The following TM9SF4 variants were observed in gnomAD, a reference collection of about 807,000 sequenced individuals.
The protein encoded by TM9SF4 is transmembrane 9 superfamily member 4.
In TM9SF4, 26 loss-of-function variants were observed where a neutral mutation model predicts 90.4. That is an observed-to-expected ratio of 0.29 (90% CI 0.21 to 0.40). The LOEUF (loss-of-function observed/expected upper bound fraction) is 0.40, where lower values mean the gene tolerates loss of function less well. TM9SF4 is among the 10% of genes least tolerant of loss of function. The pLI is 1.00. For synonymous variants in TM9SF4, 293 were observed against 315.4 expected (o/e 0.93, Z 0.75); for missense variants, 549 against 834.8 (o/e 0.66, Z 4.22).
chr20:32,165,195 G>T (rs1050047006), intron 17 of TM9SF4, 100 bp from the exon 18 acceptor site: 24 of 1,526,320 alleles, frequency 1.6e-5, no homozygotes, highest in Non-Finnish European at 2.1e-5. Flanking sequence ...CCCTGGCCAG[G>T]CCTCAGTTTC....
rs1370504574 is a variant in TM9SF4 at position 32,157,786 on chromosome 20, G to A, written c.1330-8G>A. ...CCTCGTGGGGGCCTCATGGTGCCAT[G>A]TCTACAGGTGCCCTTTCCCACCATG... On this transcript the variant is annotated splice_region_variant and splice_polypyrimidine_tract_variant and intron_variant, in intron 13 of 17. Coordinates refer to ENST00000398022, the MANE Select transcript of TM9SF4 (RefSeq NM_014742.4). 1 of 1,614,034 alleles carries A rather than the reference G, an allele frequency of 6.2e-7. No individual in the cohort carries two copies. Among genetic ancestry groups the A allele is most frequent in the Admixed American group, 1.7e-5 (1 of 60,014 alleles).
At chr20:32,158,556 C>T (rs755772361) in intron 15 of TM9SF4, 42 bp downstream of exon 15, 20 of 1,598,238 alleles carry the variant, frequency 1.3e-5, no homozygotes, top group Non-Finnish European at 1.6e-5. Context: ...CCATGCTAGC[C>T]GGGTCACTCC....
At chr20:32,147,867 A>T (rs914541318) in intron 9 of TM9SF4, among the ~76,000 whole-genome samples, 5 of 151,542 alleles carry the variant, frequency 3.3e-5, no homozygotes, top group African/African-American at 7.3e-5. Flanking sequence ...GGAAAAAAAA[A>T]AAAAAAAACT....
At chr20:32,141,413 C>T (rs1400532667) in intron 3 of TM9SF4, 84 bp from the exon 4 acceptor site, 26 of 1,524,314 alleles carry the variant, frequency 1.7e-5, no homozygotes, top group East Asian at 2.3e-5. Context: ...ATGTTTGCCC[C>T]GCAGTCCTGT....
chr20:32,141,683 C>T lies in TM9SF4; in HGVS notation c.398+18C>T. 1 of 1,613,706 alleles carries T rather than the reference C, an allele frequency of 6.2e-7. No individual in the cohort carries two copies. Among genetic ancestry groups the T allele is most frequent in the Admixed American group, 1.7e-5 (1 of 60,004 alleles). ...GTCCACCTGTAAGTCGCCCTGTGCTCCTTGCTGCCTCAGGCTCACACAGGG... is the reference window on the plus strand; with the variant it reads ...GTCCACCTGTAAGTCGCCCTGTGCTTCTTGCTGCCTCAGGCTCACACAGGG... On this transcript the variant is annotated intron_variant, in intron 4 of 17. Coordinates refer to ENST00000398022, the MANE Select transcript of TM9SF4 (RefSeq NM_014742.4).
chr20:32,143,540 GTGAT>G (rs970830572), intron 6 of TM9SF4, among the ~76,000 whole-genome samples: 4 of 152,206 alleles, frequency 2.6e-5, no homozygotes, highest in African/African-American at 9.7e-5. Flanking sequence ...CGCTGTGTGA[GTGAT>G]TGGCATAAAC....
intron 1 of TM9SF4, among the ~76,000 whole-genome samples, chr20:32,131,434 T>C (rs1366436450): frequency 1.3e-5 from 2 of 152,106 alleles, no homozygotes; most frequent in Non-Finnish European, 2.9e-5. Context: ...GCAAGCCTCC[T>C]CAGTGATCCT....
chr20:32,136,741 C>T, intron 3 of TM9SF4: 1 of 411,372 alleles, frequency 2.4e-6, no homozygotes, highest in South Asian at 1.8e-5. Flanking sequence ...GACAGAATTT[C>T]AGGTGTAGAG....
intron 1 of TM9SF4, among the ~76,000 whole-genome samples, chr20:32,121,939 C>A (rs543712542): frequency 2.1e-5 from 3 of 145,044 alleles, no homozygotes; most frequent in Admixed American, 2.0e-4. Flanking sequence ...GCTGACCCCC[C>A]CCAGCTCCCT....
chr20:32,123,189 GA>G (rs1267328533), intron 1 of TM9SF4, among the ~76,000 whole-genome samples: 11 of 6,970 alleles, frequency 1.6e-3, no homozygotes, highest in Non-Finnish European at 3.4e-3. Flanking sequence ...GGGGGAGGGG[GA>G]GAGGGGGAGG....
chr20:32,121,052 C>T (rs1465659439), intron 1 of TM9SF4, among the ~76,000 whole-genome samples: 2 of 152,118 alleles, frequency 1.3e-5, no homozygotes, highest in Non-Finnish European at 2.9e-5. Context: ...TGTTCATCAT[C>T]ATCATGAACA....
rs766658424 is a variant in TM9SF4 at position 32,145,408 on chromosome 20, G to A, written c.868G>A (p.Val290Ile). ...TTCTATCATTAACTCCGTTGTTGTG[G>A]TCTTCTTCCTGTCAGGTGAGAGATC... ...WFSIINSVVVVFFLSGILSMI... is the reference protein window; with the variant it reads ...WFSIINSVVVIFFLSGILSMI... The change falls in exon 8 of 18, where the codon GTC (valine) becomes ATC (isoleucine). Residue 290 changes from valine to isoleucine, a missense_variant. This residue lies in a region of TM9SF4 where 495 missense variants were observed against 711.7 expected (regional missense o/e 0.70). Transcript: ENST00000398022. The A allele has an allele frequency of 1.2e-6, 2 of 1,614,136 alleles. No homozygotes were observed. Among genetic ancestry groups the A allele is most frequent in the Non-Finnish European group, 1.7e-6 (2 of 1,180,004 alleles).
At chr20:32,113,012 G>A (rs888551186) in intron 1 of TM9SF4, among the ~76,000 whole-genome samples, 2 of 152,166 alleles carry the variant, frequency 1.3e-5, no homozygotes, top group African/African-American at 4.8e-5. Context: ...AGTCAGAATA[G>A]TCCCCACACC....
chr20:32,145,020 A>T, intron 6 of TM9SF4, 71 bp from the exon 7 acceptor site: 3 of 1,451,180 alleles, frequency 2.1e-6, no homozygotes, highest in Non-Finnish European at 2.9e-6. Context: ...CCTTGAGGGC[A>T]GCCCCTGGAA....
chr20:32,130,474 C>T (rs2046494350), intron 1 of TM9SF4, among the ~76,000 whole-genome samples: 1 of 152,088 alleles, frequency 6.6e-6, no homozygotes, highest in African/African-American at 2.4e-5. Context: ...TTATTTCTCT[C>T]ACATGACACA....
intron 1 of TM9SF4, among the ~76,000 whole-genome samples, chr20:32,122,517 C>A (rs2046338062): frequency 6.6e-6 from 1 of 151,794 alleles, no homozygotes; most frequent in African/African-American, 2.4e-5. Context: ...ACGCTCCTCA[C>A]CTCCCAGACG....
chr20:32,119,428 T>G (rs1464813926), intron 1 of TM9SF4, among the ~76,000 whole-genome samples: 1 of 152,236 alleles, frequency 6.6e-6, no homozygotes, highest in Non-Finnish European at 1.5e-5. Flanking sequence ...GTTTTCCTAT[T>G]GACAAATGAT....
At chr20:32,113,179 T>C (rs2046171687) in intron 1 of TM9SF4, among the ~76,000 whole-genome samples, 1 of 152,158 alleles carries the variant, frequency 6.6e-6, no homozygotes. Flanking sequence ...GTTTGTCCTT[T>C]GTTTTGAAAG....
chr20:32,128,345 T>C (rs1394828052), intron 1 of TM9SF4, among the ~76,000 whole-genome samples: 3 of 152,234 alleles, frequency 2.0e-5, no homozygotes, highest in African/African-American at 4.8e-5. Flanking sequence ...GACTGCACTT[T>C]AGGATGACCT....
Sources: gnomAD v4.1 joint callset for allele counts (sites outside exome capture counted in the v4.1 genomes callset) on GRCh38, gnomAD v4.1.1 for gene constraint, gnomAD v4.1.1 regional missense constraint, MANE v1.5 for transcripts, NCBI Gene and HGNC (gene_info 2026-07-23, HGNC 2026-07-21) for gene names.